BFSP2: variants seen among roughly 807,000 people sequenced by gnomAD.
BFSP2 encodes phakinin.
In BFSP2, 38 loss-of-function variants were observed where a neutral mutation model predicts 44.9. The observed-to-expected ratio is 0.85, with a 90% confidence interval of 0.65 to 1.11. BFSP2 has a LOEUF of 1.11. BFSP2 is among the 50% of genes least tolerant of loss of function. The pLI is 0.00. For synonymous variants in BFSP2, 197 were observed against 209.9 expected (o/e 0.94, Z 0.53); for missense variants, 525 against 533.0 (o/e 0.99, Z 0.15).
chr3:133,404,333 T>TGACAC (rs2073386247), intron 1 of BFSP2, among the ~76,000 whole-genome samples: 1 of 152,194 alleles, frequency 6.6e-6, no homozygotes, highest in Non-Finnish European at 1.5e-5. Context: ...GGCCCACCTC[T>TGACAC]CTGCCCCTGG....
At chr3:133,422,614 C>T (rs537392673) in intron 1 of BFSP2, among the ~76,000 whole-genome samples, 3 of 152,252 alleles carry the variant, frequency 2.0e-5, no homozygotes, top group East Asian at 1.9e-4. Flanking sequence ...AGGCAGCCTC[C>T]GATGAGCTCA....
At chr3:133,447,617 A>C (rs2073915746) in intron 2 of BFSP2, among the ~76,000 whole-genome samples, 1 of 152,128 alleles carries the variant, frequency 6.6e-6, no homozygotes, top group Admixed American at 6.5e-5. Context: ...GGTTTAGAGC[A>C]GGGTTCTCAA....
At chr3:133,473,879 C>G (rs2074189858) in intron 6 of BFSP2, among the ~76,000 whole-genome samples, 1 of 152,186 alleles carries the variant, frequency 6.6e-6, no homozygotes, top group Non-Finnish European at 1.5e-5. Context: ...CTCCTTTAAT[C>G]AGTGAAGGAA....
intron 4 of BFSP2, chr3:133,455,544 A>T (rs1424406783): frequency 6.6e-6 from 1 of 152,158 alleles, no homozygotes; most frequent in Admixed American, 6.5e-5. Context: ...TCCTCTTTTG[A>T]TCAGCTCAGA....
At chr3:133,409,048 G>C (rs1225961123) in intron 1 of BFSP2, among the ~76,000 whole-genome samples, 1 of 152,180 alleles carries the variant, frequency 6.6e-6, no homozygotes, top group Non-Finnish European at 1.5e-5. Context: ...AATGAATCCA[G>C]CTATGTACCA....
intron 1 of BFSP2, among the ~76,000 whole-genome samples, chr3:133,439,378 C>CA (rs1452112577): frequency 2.0e-5 from 3 of 152,236 alleles, no homozygotes; most frequent in Admixed American, 1.3e-4. Flanking sequence ...ATTTATTGAG[C>CA]ACCTATGTGC....
At chr3:133,459,960 A>G (rs1211346486) in intron 4 of BFSP2, among the ~76,000 whole-genome samples, 1 of 152,206 alleles carries the variant, frequency 6.6e-6, no homozygotes, top group Admixed American at 6.5e-5. Context: ...ATTGTTGAGC[A>G]CATTCTAGGT....
chr3:133,444,261 T>C (rs950813811), intron 1 of BFSP2, among the ~76,000 whole-genome samples: 1 of 152,052 alleles, frequency 6.6e-6, no homozygotes, highest in Non-Finnish European at 1.5e-5. Context: ...CAAAGACAAA[T>C]AACAATGATG....
rs547093827 is a variant in BFSP2, at chr3:133,443,834, A to G, written c.490-3483A>G. On this transcript the variant is annotated intron_variant, in intron 1 of 6. Coordinates refer to ENST00000302334, the MANE Select transcript of BFSP2 (RefSeq NM_003571.4). ...TGCAGCTCTAGCTGCCAGAATGCCA[A>G]TATCTTTACTCCAAACAAACCATTC... Among the ~76,000 whole-genome samples the G allele has an allele frequency of 2.6e-5, 4 of 152,218 alleles. No individual in the cohort carries two copies. The South Asian group carries it at 8.3e-4, about 32-fold the overall frequency.
chr3:133,431,734 G>A (rs1021262665), intron 1 of BFSP2, among the ~76,000 whole-genome samples: 1 of 151,996 alleles, frequency 6.6e-6, no homozygotes, highest in Non-Finnish European at 1.5e-5. Flanking sequence ...CTTTTCAAGG[G>A]TCTATTTCCC....
intron 1 of BFSP2, among the ~76,000 whole-genome samples, chr3:133,404,550 G>T (rs1409249125): frequency 6.6e-6 from 1 of 152,222 alleles, no homozygotes; most frequent in Admixed American, 6.5e-5. Context: ...GGTGGGGTAT[G>T]CACATGCCCA....
chr3:133,413,305 C>G (rs958502854), intron 1 of BFSP2, among the ~76,000 whole-genome samples: 1 of 151,994 alleles, frequency 6.6e-6, no homozygotes, highest in Non-Finnish European at 1.5e-5. Context: ...ACTGACGTGT[C>G]CCGGTGGGAG....
intron 1 of BFSP2, among the ~76,000 whole-genome samples, chr3:133,445,234 T>C (rs1203737656): frequency 1.3e-5 from 2 of 152,214 alleles, no homozygotes; most frequent in Non-Finnish European, 2.9e-5. Context: ...GTGAAACAAG[T>C]TGCTCTCAAT....
intron 1 of BFSP2, among the ~76,000 whole-genome samples, chr3:133,414,786 A>C (rs1466665555): frequency 1.9e-3 from 9 of 4,620 alleles, no homozygotes; most frequent in African/African-American, 0.012. Context: ...TCACCCTGCC[A>C]CCCCCCCCCC....
intron 1 of BFSP2, among the ~76,000 whole-genome samples, chr3:133,409,649 G>A (rs1363162721): frequency 6.6e-6 from 1 of 152,128 alleles, no homozygotes. Context: ...AAGCAAGGAC[G>A]CTATGAAAAA....
At chr3:133,429,175 A>T (rs2073683659) in intron 1 of BFSP2, 1 of 151,768 alleles carries the variant, frequency 6.6e-6, no homozygotes, top group Non-Finnish European at 1.5e-5. Flanking sequence ...GTTTTACTAC[A>T]TATGTATAAA....
In BFSP2 at chr3:133,400,648, G is replaced by C. The variant is rs567594585; in HGVS notation, c.489+76G>C. On this transcript the variant is annotated intron_variant, in intron 1 of 6. Transcript: ENST00000302334. The surrounding 1 kb of genome is among the most constrained non-coding windows in gnomAD (Gnocchi z 4.0). ...CTGAAGGCAGCGGGTAGGGTTGTGA[G>C]TAGGCTGAGGCCAGAGAAACTGACC... is the stretch of plus-strand genomic sequence containing the variant. The C allele has an allele frequency of 2.8e-5, 44 of 1,544,128 alleles. No homozygotes were observed. The African/African-American group carries it at 5.6e-4, about 20-fold the overall frequency.
intron 6 of BFSP2, among the ~76,000 whole-genome samples, chr3:133,473,776 TA>T (rs1253933431): frequency 6.6e-6 from 1 of 151,738 alleles, no homozygotes. Context: ...GGGTTGGGGG[TA>T]AGGTCACAGG....
chr3:133,448,703 G>C, intron 3 of BFSP2, 58 bp downstream of exon 3: 8 of 1,595,440 alleles, frequency 5.0e-6, no homozygotes, highest in Non-Finnish European at 6.8e-6. Flanking sequence ...ACATCTGTCT[G>C]CCTGTGCTTC....
Sources: allele counts gnomAD v4.1 joint callset (sites outside exome capture counted in the v4.1 genomes callset), GRCh38; gene constraint gnomAD v4.1.1; non-coding constraint Gnocchi (gnomAD v3.1); transcripts MANE v1.5; gene names NCBI Gene and HGNC (gene_info 2026-07-23, HGNC 2026-07-21).